Variants in TLE4 observed in about 807,000 individuals in gnomAD.
TLE4 encodes the protein TLE family member 4, transcriptional corepressor.
TLE4 carries 8 observed loss-of-function variants against 92.8 expected under a neutral mutation model. The observed-to-expected ratio is 0.09, with a 90% CI of 0.05 to 0.16. The LOEUF is 0.16. Ranked by LOEUF, TLE4 falls within the 10% of genes least tolerant of loss-of-function variation. The probability of loss-of-function intolerance (pLI) is 1.00; values close to 1 mark genes in which losing one functional copy is unlikely to be tolerated. For missense variants in TLE4, 675 were observed against 997.6 expected (o/e 0.68, Z 4.36); for synonymous variants, 371 against 374.1 (o/e 0.99, Z 0.10).
intron 8 of TLE4, among the ~76,000 whole-genome samples, chr9:79,697,106 T>G (rs2068466815): frequency 6.6e-6 from 1 of 152,146 alleles, no homozygotes; most frequent in African/African-American, 2.4e-5. Context: ...ATTTACAGAG[T>G]TAGCATACAA....
At chr9:79,633,487 A>T (rs1221024244) in intron 6 of TLE4, among the ~76,000 whole-genome samples, 1 of 152,142 alleles carries the variant, frequency 6.6e-6, no homozygotes. Context: ...GAGTTGCAGA[A>T]TGTGTCTGGG....
intron 5 of TLE4, among the ~76,000 whole-genome samples, chr9:79,623,700 T>G (rs895252913): frequency 1.5e-3 from 27 of 18,358 alleles, no homozygotes; most frequent in African/African-American, 2.1e-3. Flanking sequence ...AATCTAAGGG[T>G]TTTTTTTTTT....
At position 79,708,101 on chromosome 9, in the gene TLE4, T is replaced by C; in HGVS notation, c.937-17T>C. ...ACCATGTTCTAATTGCTGGTATATG[T>C]CATTTCATCTTGTTAGAATGAAAAA... On this transcript the variant is annotated splice_polypyrimidine_tract_variant and intron_variant, in intron 11 of 19. Transcript: ENST00000376552. The C allele has an allele frequency of 6.2e-7, 1 of 1,613,028 alleles. No individual in the cohort carries two copies. The highest frequency in any genetic ancestry group is 1.1e-5 in the South Asian group (1 of 91,032).
At chr9:79,649,846 T>C (rs1460778264) in intron 6 of TLE4, 5 of 1,365,900 alleles carry the variant, frequency 3.7e-6, no homozygotes, top group Non-Finnish European at 3.9e-6. Flanking sequence ...GTGACACACC[T>C]GGATCATTAA....
At chr9:79,582,198 C>G (rs1366453463) in intron 4 of TLE4, among the ~76,000 whole-genome samples, 1 of 152,100 alleles carries the variant, frequency 6.6e-6, no homozygotes, top group Non-Finnish European at 1.5e-5. Flanking sequence ...TTCGTCGATG[C>G]AGGAAATCAC....
At chr9:79,635,800 G>A (rs554426584) in intron 6 of TLE4, among the ~76,000 whole-genome samples, 5 of 152,138 alleles carry the variant, frequency 3.3e-5, no homozygotes, top group South Asian at 2.1e-4. Context: ...TCTCCATTCC[G>A]TTTTGCACTT....
At chr9:79,649,901 G>T (rs778079692) in intron 6 of TLE4, 86 of 1,334,588 alleles carry the variant, frequency 6.4e-5, no homozygotes, top group East Asian at 1.9e-4. Context: ...TGTTGTTGTT[G>T]TTTTTTTGTT....
Position 79,715,757 on chromosome 9 carries a change from C to T in TLE4, c.1341-2965C>T, listed in dbSNP as rs143977776. Among the ~76,000 whole-genome samples, 378 of 152,198 alleles carry T rather than the reference C, an allele frequency of 2.5e-3. 2 individuals carry two copies. The highest frequency in any genetic ancestry group is 8.5e-3 in the African/African-American group (353 of 41,492). The stretch of plus-strand genomic sequence containing the variant: ...TCTGGTATCTACAAAGACAACCCCC[C>T]AGTATCTTCATCATGGTCTTGGACC... On this transcript the variant is annotated intron_variant, in intron 14 of 19. Coordinates refer to ENST00000376552, the MANE Select transcript of TLE4 (RefSeq NM_007005.6).
At chr9:79,661,915 C>T (rs1456477708) in intron 8 of TLE4, among the ~76,000 whole-genome samples, 1 of 152,122 alleles carries the variant, frequency 6.6e-6, no homozygotes, top group Non-Finnish European at 1.5e-5. Context: ...GTTAAGTACC[C>T]TCCTCCTCCC....
intron 6 of TLE4, among the ~76,000 whole-genome samples, chr9:79,644,546 AT>A (rs1469031974): frequency 1.2e-4 from 19 of 152,216 alleles, no homozygotes; most frequent in Non-Finnish European, 2.4e-4. Context: ...GGTAATAAGG[AT>A]TCCAGTGACT....
chr9:79,664,876 CTT>C (rs1260468011), intron 8 of TLE4, among the ~76,000 whole-genome samples: 1 of 152,114 alleles, frequency 6.6e-6, no homozygotes, highest in Non-Finnish European at 1.5e-5. Flanking sequence ...CCTTTTTTCT[CTT>C]TGTGCCTCCC....
At chr9:79,681,832 A>ATGTGTGTGTGTGTGTG (rs35005870) in intron 8 of TLE4, among the ~76,000 whole-genome samples, 7 of 141,700 alleles carry the variant, frequency 4.9e-5, no homozygotes, top group Admixed American at 4.3e-4. Context: ...GAGTGTGTGC[A>ATGTGTGTGTGTGTGTG]TGTGTGTGTG....
intron 9 of TLE4, 83 bp from the exon 10 acceptor site, chr9:79,705,806 G>A (rs990183473): frequency 3.8e-6 from 5 of 1,315,090 alleles, no homozygotes; most frequent in Non-Finnish European, 5.5e-6. Context: ...TATAAGATAT[G>A]AGGAATTAGT....
In TLE4 at chr9:79,710,420, C is replaced by T. The variant is rs183025718; in HGVS notation, c.1340+721C>T. On this transcript the variant is annotated intron_variant, in intron 14 of 19. Transcript: ENST00000376552. The stretch of plus-strand genomic sequence containing the variant: ...CGCTTCTCCTTTGGGAAGCCTCCCC[C>T]GCAGATCCTCCTTGCCTTGTTAGTC... Among the ~76,000 whole-genome samples the T allele has an allele frequency of 2.4e-4, 37 of 152,324 alleles. No homozygotes were observed. In the East Asian group the frequency reaches 3.5e-3, roughly 14 times the overall value.
At chr9:79,598,109 C>CGTG (rs1564262225) in intron 4 of TLE4, among the ~76,000 whole-genome samples, 3 of 148,806 alleles carry the variant, frequency 2.0e-5, no homozygotes, top group African/African-American at 7.4e-5. Context: ...CTTACCCAGG[C>CGTG]GTGGTGGCAT....
intron 4 of TLE4, among the ~76,000 whole-genome samples, chr9:79,596,477 C>T (rs900833336): frequency 3.3e-5 from 5 of 152,084 alleles, no homozygotes; most frequent in Non-Finnish European, 7.4e-5. Context: ...GAGCTCACTC[C>T]TTCCAATCAG....
intron 8 of TLE4, among the ~76,000 whole-genome samples, chr9:79,704,335 G>C (rs28488183): frequency 0.19 from 29,033 of 151,938 alleles, 3,489 homozygotes; most frequent in African/African-American, 0.34. Context: ...GGATGGTCTC[G>C]ACCTCCTGAC....
intron 8 of TLE4, among the ~76,000 whole-genome samples, chr9:79,655,144 A>AATACATAC (rs200567926): frequency 1.1e-4 from 16 of 152,034 alleles, no homozygotes; most frequent in Admixed American, 6.6e-4. Context: ...CTGTCTCAAA[A>AATACATAC]ATACATACAT....
intron 14 of TLE4, among the ~76,000 whole-genome samples, chr9:79,711,677 A>G (rs1331279203): frequency 6.6e-6 from 1 of 152,202 alleles, no homozygotes; most frequent in Non-Finnish European, 1.5e-5. Context: ...TGGACCAGTT[A>G]AACCACTGTG....
Sources: gnomAD v4.1 joint callset for allele counts (sites outside exome capture counted in the v4.1 genomes callset) on GRCh38, gnomAD v4.1.1 for gene constraint, MANE v1.5 for transcripts, NCBI Gene and HGNC (gene_info 2026-07-23, HGNC 2026-07-21) for gene names.